Variants in DNAH9 observed in about 807,000 individuals in gnomAD.
DNAH9 encodes the protein DNAH9 variant protein.
DNAH9 carries 345 observed loss-of-function variants against 471.6 expected under a neutral mutation model. The ratio of observed to expected loss-of-function variants is 0.73; its 90% CI spans 0.67 to 0.80. The LOEUF (loss-of-function observed/expected upper bound fraction) is 0.80. Ranked by LOEUF, DNAH9 falls within the 30% of genes least tolerant of loss-of-function variation. DNAH9 has a pLI of 0.00. For missense variants in DNAH9, 5,407 were observed against 5,609.2 expected (o/e 0.96, Z 1.15); for synonymous variants, 2,093 against 2,123.6 (o/e 0.99, Z 0.40).
At chr17:11,901,455 G>A (rs1973412284) in intron 59 of DNAH9, among the ~76,000 whole-genome samples, 1 of 152,152 alleles carries the variant, frequency 6.6e-6, no homozygotes, top group South Asian at 2.1e-4. Flanking sequence ...CAACTCTTTG[G>A]GAGGTCGAGG....
At position 11,932,498 on chromosome 17, in the gene DNAH9, A is replaced by G. The variant is rs566380520; in HGVS notation, c.12297+293A>G. 6.6e-6 allele frequency among the ~76,000 whole-genome samples: 1 copy of G among 152,292 alleles called. No individual in the cohort carries two copies. Among genetic ancestry groups the G allele is most frequent in the East Asian group, 1.9e-4 (1 of 5,172 alleles). On this transcript the variant is annotated intron_variant, in intron 64 of 68. Coordinates refer to ENST00000262442, the MANE Select transcript of DNAH9 (RefSeq NM_001372.4). The surrounding 1 kb of genome is among the most constrained non-coding windows in gnomAD (Gnocchi z 4.3). ...TGGCAGGACCTGGGAGCTAGTTAGA[A>G]ATGCAGAATCTCAGGTCCCACCCAA... is the stretch of plus-strand genomic sequence containing the variant.
At chr17:11,906,914 G>A (rs1181612621) in intron 61 of DNAH9, among the ~76,000 whole-genome samples, 1 of 152,114 alleles carries the variant, frequency 6.6e-6, no homozygotes, top group Non-Finnish European at 1.5e-5. Flanking sequence ...AATGGATGCT[G>A]GGCTTAATAC....
intron 49 of DNAH9, among the ~76,000 whole-genome samples, chr17:11,842,652 G>A (rs113463798): frequency 8.9e-4 from 135 of 152,264 alleles, no homozygotes; most frequent in African/African-American, 2.7e-3. Context: ...AGAACTTGGC[G>A]TCTGATGTTA....
At chr17:11,843,859 G>A (rs1242207339) in intron 49 of DNAH9, among the ~76,000 whole-genome samples, 943 of 46,886 alleles carry the variant, frequency 0.02, 13 homozygotes, top group African/African-American at 0.03. Context: ...GTGTGTGTGT[G>A]TGTGTATATA....
intron 20 of DNAH9, among the ~76,000 whole-genome samples, chr17:11,691,826 C>G (rs1006207612): frequency 6.6e-6 from 1 of 151,994 alleles, no homozygotes; most frequent in African/African-American, 2.4e-5. Context: ...TGTTTTGAGA[C>G]GGAGTCTTGC....
intron 45 of DNAH9, among the ~76,000 whole-genome samples, chr17:11,811,015 C>T (rs149895395): frequency 9.2e-5 from 14 of 152,258 alleles, no homozygotes; most frequent in East Asian, 1.9e-4. Flanking sequence ...GAATTCAGTA[C>T]GTATACCAAC....
intron 32 of DNAH9, among the ~76,000 whole-genome samples, chr17:11,749,084 T>TG (rs1967038500): frequency 1.8e-4 from 10 of 54,202 alleles, no homozygotes; most frequent in South Asian, 6.7e-4. Flanking sequence ...GTTTTTTTTT[T>TG]TGTTTTTTTT....
rs145792851 is a variant in DNAH9 at position 11,688,082 on chromosome 17, C to CAAAAAAAAAAA, written c.3744-1476_3744-1466dup. ...CCGGGAGGCGGAGATTGCAGTAAGC[C>CAAAAAAAAAAA]AAAAAAAAAAAAAAAAAAGAAAAAG... On this transcript the variant is annotated intron_variant, in intron 19 of 68. Transcript: ENST00000262442. Among the ~76,000 whole-genome samples the CAAAAAAAAAAA allele has an allele frequency of 6.7e-5, 4 of 59,672 alleles. 2 individuals carry two copies. The highest frequency in any genetic ancestry group is 1.3e-4 in the African/African-American group (2 of 15,118). 39.1% of individuals were successfully genotyped at this position (59,672 alleles called of 152,430 possible). A position where few individuals can be genotyped will look rare whatever the true frequency, so the allele number is the denominator to read the frequency against.
chr17:11,758,316 T>C (rs972505727), intron 35 of DNAH9, among the ~76,000 whole-genome samples: 1 of 152,222 alleles, frequency 6.6e-6, no homozygotes, highest in Admixed American at 6.5e-5. Flanking sequence ...AAGAATACTA[T>C]CTGTGTCAGC....
intron 31 of DNAH9, among the ~76,000 whole-genome samples, chr17:11,745,433 C>T (rs1430253641): frequency 6.6e-6 from 1 of 152,162 alleles, no homozygotes; most frequent in East Asian, 1.9e-4. Flanking sequence ...ATCCTACTAT[C>T]CTGGATAGAG....
intron 49 of DNAH9, among the ~76,000 whole-genome samples, chr17:11,850,021 T>C (rs902640802): frequency 6.6e-6 from 1 of 152,180 alleles, no homozygotes; most frequent in Non-Finnish European, 1.5e-5. Flanking sequence ...CTGAAGCTTA[T>C]ACTCTAGCAG....
intron 49 of DNAH9, among the ~76,000 whole-genome samples, chr17:11,841,508 T>G (rs997184612): frequency 6.6e-6 from 1 of 152,170 alleles, no homozygotes; most frequent in Non-Finnish European, 1.5e-5. Context: ...TCTTGCTCAG[T>G]GAATCTGCAT....
chr17:11,868,735 G>T (rs1232718921), intron 50 of DNAH9, among the ~76,000 whole-genome samples: 1 of 152,002 alleles, frequency 6.6e-6, no homozygotes, highest in Admixed American at 6.6e-5. Context: ...GCACCATTTT[G>T]TCAGGCTACT....
At chr17:11,919,726 G>A (rs1974075286) in intron 61 of DNAH9, among the ~76,000 whole-genome samples, 1 of 152,114 alleles carries the variant, frequency 6.6e-6, no homozygotes, top group Non-Finnish European at 1.5e-5. Context: ...AAGTGCGGAA[G>A]TAGAAGGAGG....
intron 41 of DNAH9, among the ~76,000 whole-genome samples, chr17:11,789,696 T>A (rs1487163766): frequency 6.6e-6 from 1 of 151,964 alleles, no homozygotes; most frequent in Non-Finnish European, 1.5e-5. Context: ...ATATTTTCTC[T>A]TTGCTTTATA....
chr17:11,824,230 T>C (rs922321181), intron 48 of DNAH9, among the ~76,000 whole-genome samples: 3 of 152,226 alleles, frequency 2.0e-5, no homozygotes, highest in Non-Finnish European at 4.4e-5. Flanking sequence ...CACCTAATTC[T>C]TGGACATCAT....
At chr17:11,653,644 A>G (rs558485491) in intron 14 of DNAH9, among the ~76,000 whole-genome samples, 1 of 152,348 alleles carries the variant, frequency 6.6e-6, no homozygotes, top group African/African-American at 2.4e-5. Flanking sequence ...GTGGAAAGTC[A>G]CAAGTGAATC....
At chr17:11,869,626 A>C (rs1257556297) in intron 51 of DNAH9, among the ~76,000 whole-genome samples, 3 of 152,208 alleles carry the variant, frequency 2.0e-5, no homozygotes, top group Non-Finnish European at 4.4e-5. Context: ...GGGTGTGGCC[A>C]AGATTAGGAA....
At chr17:11,968,189 C>T (rs1223562509) in intron 68 of DNAH9, among the ~76,000 whole-genome samples, 3 of 152,108 alleles carry the variant, frequency 2.0e-5, no homozygotes, top group Non-Finnish European at 4.4e-5. Flanking sequence ...ATTGGTTTTA[C>T]AGTATGTTGG....
Sources: allele counts gnomAD v4.1 joint callset (sites outside exome capture counted in the v4.1 genomes callset), GRCh38; gene constraint gnomAD v4.1.1; non-coding constraint Gnocchi (gnomAD v3.1); transcripts MANE v1.5; gene names NCBI Gene and HGNC (gene_info 2026-07-23, HGNC 2026-07-21).